Variants in LINGO2 observed in about 807,000 individuals in gnomAD.
The protein encoded by LINGO2 is leucine-rich repeat and immunoglobulin-like domain-containing nogo receptor-interacting protein 2.
LINGO2 carries 14 observed loss-of-function variants against 30.6 expected under a neutral mutation model. That is an observed-to-expected ratio of 0.46 (90% CI 0.30 to 0.72). LINGO2 has a LOEUF of 0.72. Among genes scored for constraint, LINGO2 ranks in the 30% least tolerant of loss-of-function variants. The pLI is 0.07. For synonymous variants in LINGO2, 317 were observed against 288.5 expected (o/e 1.10, Z -1.00); for missense variants, 729 against 751.7 (o/e 0.97, Z 0.35).
chr9:28,414,943 T>C (rs532034084), intron 2 of LINGO2, among the ~76,000 whole-genome samples: 4 of 152,258 alleles, frequency 2.6e-5, no homozygotes, highest in East Asian at 1.9e-4. Flanking sequence ...AATAAGGGGT[T>C]ATTTAAATAA....
chr9:28,225,277 T>A (rs986699403), intron 4 of LINGO2, among the ~76,000 whole-genome samples: 1 of 152,158 alleles, frequency 6.6e-6, no homozygotes, highest in African/African-American at 2.4e-5. Flanking sequence ...TAACATGTTA[T>A]TGTGAGATTT....
chr9:28,049,599 T>A (rs1159837254), intron 4 of LINGO2, among the ~76,000 whole-genome samples: 8 of 150,724 alleles, frequency 5.3e-5, no homozygotes, highest in Non-Finnish European at 7.4e-5. Flanking sequence ...TACCGCTTAT[T>A]AGCTTATTAT....
the LINGO2 span, among the ~76,000 whole-genome samples, chr9:29,001,654 T>G: frequency 1.6e-4 from 24 of 151,990 alleles, no homozygotes; most frequent in Admixed American, 1.6e-3. Flanking sequence ...AATTGCAGCT[T>G]TTGCAATTAT....
chr9:28,555,785 A>G (rs1260088948), intron 1 of LINGO2, among the ~76,000 whole-genome samples: 3 of 152,074 alleles, frequency 2.0e-5, no homozygotes, highest in African/African-American at 4.8e-5. Context: ...AGCACATCAA[A>G]AAGCTTATCC....
chr9:28,078,765 C>A lies in LINGO2; in HGVS notation c.-86-66360G>T, dbSNP rs926087952. On this transcript the variant is annotated intron_variant, in intron 4 of 5. Transcript: ENST00000379992. ...CAGGAGGCTGGGGCAGGAGAACCGC[C>A]TGAACCTGGGAGGCAGAGGTGGCAG... Among the ~76,000 whole-genome samples the A allele has an allele frequency of 7.5e-5, 11 of 147,520 alleles. 2 individuals are homozygous for A. Among genetic ancestry groups the A allele is most frequent in the African/African-American group, 2.7e-4 (10 of 37,338 alleles).
At chr9:28,105,157 A>G (rs957291157) in intron 4 of LINGO2, among the ~76,000 whole-genome samples, 1 of 152,190 alleles carries the variant, frequency 6.6e-6, no homozygotes, top group East Asian at 1.9e-4. Flanking sequence ...ACAGCTGAAG[A>G]CAAAAATACT....
intron 5 of LINGO2, among the ~76,000 whole-genome samples, chr9:27,993,959 T>C (rs1053368810): frequency 3.9e-5 from 6 of 152,004 alleles, no homozygotes; most frequent in Non-Finnish European, 5.9e-5. Flanking sequence ...TTACGTGTCT[T>C]CTCTGACCAC....
the LINGO2 span, among the ~76,000 whole-genome samples, chr9:28,860,385 T>C: frequency 6.6e-6 from 1 of 152,056 alleles, no homozygotes. Context: ...AAATCCTTAA[T>C]AGACAAAGAC....
At chr9:28,242,833 A>C (rs1821849172) in intron 4 of LINGO2, among the ~76,000 whole-genome samples, 1 of 152,214 alleles carries the variant, frequency 6.6e-6, no homozygotes, top group South Asian at 2.1e-4. Flanking sequence ...ATTCTTAAAG[A>C]AAAGAATTTT....
chr9:29,084,380 C>T, the LINGO2 span, among the ~76,000 whole-genome samples: 1 of 152,028 alleles, frequency 6.6e-6, no homozygotes, highest in African/African-American at 2.4e-5. Flanking sequence ...AAAGGAACAC[C>T]TATTCTAATG....
At chr9:28,718,237 G>A in the LINGO2 span, among the ~76,000 whole-genome samples, 45 of 151,554 alleles carry the variant, frequency 3.0e-4, no homozygotes, top group Non-Finnish European at 6.3e-4. Flanking sequence ...ATGATAAATA[G>A]CCTGAATAAT....
At chr9:28,179,573 G>T (rs1253128420) in intron 4 of LINGO2, among the ~76,000 whole-genome samples, 2 of 117,408 alleles carry the variant, frequency 1.7e-5, no homozygotes, top group African/African-American at 6.2e-5. Context: ...GTATGTATAC[G>T]ATATGTAGTA....
chr9:28,043,313 T>C (rs77908909), intron 4 of LINGO2, among the ~76,000 whole-genome samples: 3,037 of 152,314 alleles, frequency 0.02, 97 homozygotes, highest in African/African-American at 0.067. Context: ...GTTCACTAGC[T>C]GTGTTGACTG....
chr9:28,760,545 T>C, the LINGO2 span, among the ~76,000 whole-genome samples: 3 of 152,038 alleles, frequency 2.0e-5, no homozygotes, highest in South Asian at 4.1e-4. Flanking sequence ...ATACAGGTGG[T>C]ATTTGCTTAC....
chr9:28,345,603 G>T (rs190319052), intron 3 of LINGO2, among the ~76,000 whole-genome samples: 456 of 152,222 alleles, frequency 3.0e-3, no homozygotes, highest in African/African-American at 0.011. Context: ...ATCACAACAT[G>T]GGCCTTTTGA....
At chr9:28,399,250 T>A (rs527795058) in intron 2 of LINGO2, among the ~76,000 whole-genome samples, 1 of 152,162 alleles carries the variant, frequency 6.6e-6, no homozygotes, top group African/African-American at 2.4e-5. Flanking sequence ...TTAAGCAACA[T>A]AAAGCAAAAA....
the LINGO2 span, among the ~76,000 whole-genome samples, chr9:28,890,616 C>A: frequency 6.6e-6 from 1 of 152,022 alleles, no homozygotes; most frequent in Non-Finnish European, 1.5e-5. Flanking sequence ...TCTACTAGGG[C>A]TGGGGAAGGA....
chr9:28,675,889 A>AATGTG, the LINGO2 span, among the ~76,000 whole-genome samples: 26 of 139,000 alleles, frequency 1.9e-4, 1 homozygote, highest in African/African-American at 6.4e-4. Context: ...AGAAAAAAAA[A>AATGTG]TGTGTGTGTG....
intron 4 of LINGO2, among the ~76,000 whole-genome samples, chr9:28,018,984 T>G (rs1822978687): frequency 6.6e-6 from 1 of 152,124 alleles, no homozygotes; most frequent in African/African-American, 2.4e-5. Flanking sequence ...TGCAGCAACA[T>G]GAGTGGAGCT....
Sources: allele counts gnomAD v4.1 joint callset (sites outside exome capture counted in the v4.1 genomes callset), GRCh38; gene constraint gnomAD v4.1.1; transcripts MANE v1.5; gene names NCBI Gene and HGNC (gene_info 2026-07-23, HGNC 2026-07-21).